SLC4A10: variants seen among roughly 807,000 people sequenced by gnomAD.
SLC4A10 encodes solute carrier family 4 member 10.
SLC4A10 carries 42 observed loss-of-function variants against 137.7 expected under a neutral mutation model. The ratio of observed to expected loss-of-function variants is 0.30; its 90% CI spans 0.24 to 0.39. The LOEUF is 0.39. Ranked by LOEUF, SLC4A10 falls within the 10% of genes least tolerant of loss-of-function variation. SLC4A10 has a pLI of 1.00. For missense variants in SLC4A10, 925 were observed against 1,355.0 expected (o/e 0.68, Z 4.98); for synonymous variants, 474 against 464.1 (o/e 1.02, Z -0.27).
intron 7 of SLC4A10, among the ~76,000 whole-genome samples, chr2:161,873,229 T>C (rs2061246955): frequency 2.0e-5 from 3 of 152,102 alleles, no homozygotes; most frequent in Non-Finnish European, 4.4e-5. Flanking sequence ...ATACATCTAA[T>C]TGGAGACAAC....
intron 1 of SLC4A10, among the ~76,000 whole-genome samples, chr2:161,740,464 G>T (rs1025356908): frequency 2.6e-5 from 4 of 152,152 alleles, no homozygotes; most frequent in African/African-American, 7.2e-5. Context: ...GACAGCATGG[G>T]TATTTCTGGT....
chr2:161,658,496 G>A (rs990566757), intron 1 of SLC4A10, among the ~76,000 whole-genome samples: 2 of 151,882 alleles, frequency 1.3e-5, no homozygotes, highest in African/African-American at 4.8e-5. Flanking sequence ...CACACAGTAT[G>A]GTGAATTTTG....
At chr2:161,945,189 T>C (rs1328662389) in intron 16 of SLC4A10, among the ~76,000 whole-genome samples, 1 of 6,928 alleles carries the variant, frequency 1.4e-4, no homozygotes, top group Non-Finnish European at 6.2e-4. Flanking sequence ...TGTGTATATA[T>C]ATATATATAT....
At chr2:161,918,023 C>T (rs979419791) in intron 15 of SLC4A10, among the ~76,000 whole-genome samples, 2 of 152,214 alleles carry the variant, frequency 1.3e-5, no homozygotes, top group Non-Finnish European at 2.9e-5. Flanking sequence ...CAACACTGCA[C>T]TGCGTTGTGG....
At position 161,685,946 on chromosome 2, in the gene SLC4A10, A is replaced by G. The variant is rs557693672; in HGVS notation, c.48+61380A>G. On this transcript the variant is annotated intron_variant, in intron 1 of 26. Transcript: ENST00000446997. ...CACGGTCCCTGCCTTCAAGGAGGTCATAGTCTGGTGATGAAAATGGACCAG... is the reference window on the plus strand; with the variant it reads ...CACGGTCCCTGCCTTCAAGGAGGTCGTAGTCTGGTGATGAAAATGGACCAG... Among the ~76,000 whole-genome samples, 22 of 152,316 alleles carry G rather than the reference A, an allele frequency of 1.4e-4. No individual in the cohort carries two copies. In the South Asian group the frequency reaches 4.1e-3, roughly 29 times the overall value.
In SLC4A10 at chr2:161,874,004, A is replaced by G. The variant is rs768193405; in HGVS notation, c.947A>G (p.Glu316Gly). 7.6e-6 allele frequency: 12 copies of G among 1,587,064 alleles called. No individual in the cohort carries two copies. In the Admixed American group the frequency reaches 2.0e-4, roughly 27 times the overall value. The change falls in exon 8 of 27, where the codon GAG (glutamate) becomes GGG (glycine). Residue 316 changes from glutamate to glycine, a missense_variant and splice_region_variant. Transcript: ENST00000446997. ...GGACCTCCACACCAGCAAGAGAGAG[A>G]GGTGAGGGCATACTCGGGCTCTATT... ...EKGPPHQQER[E>G]VDLHFMKKIP...
chr2:161,750,863 G>A (rs2048893458), intron 1 of SLC4A10, among the ~76,000 whole-genome samples: 2 of 151,766 alleles, frequency 1.3e-5, no homozygotes, highest in Admixed American at 1.3e-4. Flanking sequence ...TTTCAGACAT[G>A]TTAACATATG....
At chr2:161,924,718 G>A (rs1688752690) in intron 15 of SLC4A10, among the ~76,000 whole-genome samples, 1 of 152,004 alleles carries the variant, frequency 6.6e-6, no homozygotes, top group Admixed American at 6.6e-5. Context: ...CTATGACATT[G>A]GTACATCAAA....
At chr2:161,945,218 A>T in intron 16 of SLC4A10, among the ~76,000 whole-genome samples, 1 of 92,186 alleles carries the variant, frequency 1.1e-5, no homozygotes, top group African/African-American at 3.4e-5. Flanking sequence ...ATATATATAT[A>T]TATATATATA....
chr2:161,863,117 A>C, intron 6 of SLC4A10, 55 bp downstream of exon 6: 2 of 1,437,514 alleles, frequency 1.4e-6, no homozygotes, highest in Admixed American at 2.3e-5. Flanking sequence ...TGACATATCA[A>C]AGCGCTTCTA....
At chr2:161,782,938 G>T (rs1208096486) in intron 2 of SLC4A10, among the ~76,000 whole-genome samples, 2 of 151,510 alleles carry the variant, frequency 1.3e-5, no homozygotes, top group Non-Finnish European at 2.9e-5. Flanking sequence ...TTTATTCAAA[G>T]AAATAATAGC....
intron 2 of SLC4A10, among the ~76,000 whole-genome samples, chr2:161,788,838 G>A (rs1040869039): frequency 6.6e-6 from 1 of 152,158 alleles, no homozygotes; most frequent in Non-Finnish European, 1.5e-5. Flanking sequence ...TCAATGAGGT[G>A]TAGCTGCCAC....
intron 15 of SLC4A10, among the ~76,000 whole-genome samples, chr2:161,929,335 C>T (rs1267873832): frequency 6.6e-6 from 1 of 152,222 alleles, no homozygotes; most frequent in Non-Finnish European, 1.5e-5. Flanking sequence ...GGAACCGAGG[C>T]AGATCCACTA....
intron 1 of SLC4A10, among the ~76,000 whole-genome samples, chr2:161,741,287 A>G (rs2047864933): frequency 6.7e-6 from 1 of 148,262 alleles, no homozygotes; most frequent in South Asian, 2.1e-4. Flanking sequence ...GCACCTATCC[A>G]CTACAGTCCT....
At chr2:161,656,208 T>A (rs2037512127) in intron 1 of SLC4A10, among the ~76,000 whole-genome samples, 1 of 152,148 alleles carries the variant, frequency 6.6e-6, no homozygotes, top group Non-Finnish European at 1.5e-5. Flanking sequence ...TATACCACAT[T>A]AACAGAATGA....
chr2:161,637,121 C>A (rs551508919), intron 1 of SLC4A10, among the ~76,000 whole-genome samples: 2 of 128,742 alleles, frequency 1.6e-5, no homozygotes, highest in Non-Finnish European at 3.4e-5. Flanking sequence ...GTATATATAT[C>A]TATATACATA....
At chr2:161,900,872 A>C (rs780374492) in intron 11 of SLC4A10, 39 bp from the exon 12 acceptor site, 99 of 1,179,538 alleles carry the variant, frequency 8.4e-5, no homozygotes, top group Admixed American at 2.4e-4. Flanking sequence ...ACCTGAAATT[A>C]AAACAAAACA....
At chr2:161,758,496 T>G (rs1000008697) in intron 1 of SLC4A10, among the ~76,000 whole-genome samples, 1 of 151,986 alleles carries the variant, frequency 6.6e-6, no homozygotes, top group South Asian at 2.1e-4. Context: ...TTTGTTGGTT[T>G]TACTTGTATC....
Position 161,983,238 on chromosome 2 carries a change from G to T in SLC4A10, c.*86G>T, listed in dbSNP as rs763625106. The T allele has an allele frequency of 1.3e-6, 2 of 1,536,362 alleles. No individual in the cohort carries two copies. The highest frequency in any genetic ancestry group is 2.4e-5 in the South Asian group (2 of 84,002). On this transcript the variant is annotated 3_prime_UTR_variant, in exon 27 of 27. Transcript: ENST00000446997. ...GGGAAAGGTGTTGACAGGGAGACTTGTCTATGACTCGATCTTCAATTTATT... is the reference window on the plus strand; with the variant it reads ...GGGAAAGGTGTTGACAGGGAGACTTTTCTATGACTCGATCTTCAATTTATT...
Sources: allele counts gnomAD v4.1 joint callset (sites outside exome capture counted in the v4.1 genomes callset), GRCh38; gene constraint gnomAD v4.1.1; transcripts MANE v1.5; gene names NCBI Gene and HGNC (gene_info 2026-07-23, HGNC 2026-07-21).